The following IQCK variants were observed in gnomAD, a reference collection of about 807,000 sequenced individuals.
The protein encoded by IQCK is IQ motif containing K, also known as IQ domain-containing protein K.
A neutral mutation model predicts 28.1 loss-of-function variants in IQCK; 29 were observed. The observed-to-expected ratio is 1.03, with a 90% CI of 0.77 to 1.41. IQCK has a LOEUF of 1.41. Ranked by LOEUF, IQCK falls within the 40% of genes most tolerant of loss-of-function variation. IQCK has a pLI of 0.00. For missense variants in IQCK, 359 were observed against 314.7 expected (o/e 1.14, Z -1.07); for synonymous variants, 113 against 115.1 (o/e 0.98, Z 0.12).
rs577889085 is a variant in IQCK, at chr16:19,824,431, C to T, written c.691-2595C>T. On this transcript the variant is annotated intron_variant, in intron 7 of 7. Coordinates refer to ENST00000564186, the Ensembl canonical transcript of IQCK. ...TACAGATGAAGCTTCCCTGCTCACT[C>T]GCCACTCACCTTCTGTTGTACCGCC... Among the ~76,000 whole-genome samples the T allele has an allele frequency of 5.9e-5, 9 of 152,252 alleles. No individual in the cohort carries two copies. In the South Asian group the frequency reaches 1.9e-3, roughly 32 times the overall value.
At chr16:19,735,163 G>C (rs1484742415) in intron 3 of IQCK, among the ~76,000 whole-genome samples, 190 bp from the exon 4 acceptor site, 1 of 152,148 alleles carries the variant, frequency 6.6e-6, no homozygotes, top group East Asian at 1.9e-4. Context: ...CCAGACTATA[G>C]AGGCTCAGAG....
chr16:19,814,240 A>AC (rs1371003571), intron 7 of IQCK, among the ~76,000 whole-genome samples: 5,275 of 142,526 alleles, frequency 0.037, 584 homozygotes, highest in African/African-American at 0.14. Flanking sequence ...AAAAAAAAAA[A>AC]AAAAAACCAC....
At chr16:19,807,303 G>A (rs2055846435) in intron 7 of IQCK, among the ~76,000 whole-genome samples, 1 of 152,214 alleles carries the variant, frequency 6.6e-6, no homozygotes, top group Admixed American at 6.5e-5. Flanking sequence ...CCCCAGCTAA[G>A]CTGCTCCTAT....
intron 3 of IQCK, among the ~76,000 whole-genome samples, chr16:19,734,459 CAAAA>C (rs34178017): frequency 2.0e-5 from 1 of 50,252 alleles, no homozygotes; most frequent in Non-Finnish European, 4.8e-5. Context: ...GACTCCATCA[CAAAA>C]AAAAAAAAAA....
At chr16:19,850,171 C>T (rs1207365595) in intron 9 of IQCK, among the ~76,000 whole-genome samples, 1 of 152,112 alleles carries the variant, frequency 6.6e-6, no homozygotes, top group African/African-American at 2.4e-5. Flanking sequence ...AAGTGAACAC[C>T]TTTGTCTGCG....
At chr16:19,840,405 C>A (rs1428923476) in intron 9 of IQCK, among the ~76,000 whole-genome samples, 2 of 151,918 alleles carry the variant, frequency 1.3e-5, no homozygotes, top group Non-Finnish European at 2.9e-5. Flanking sequence ...AAAATATAAT[C>A]CCCAGATGCT....
chr16:19,719,318 A>G (rs553528382), intron 1 of IQCK, among the ~76,000 whole-genome samples: 1 of 152,186 alleles, frequency 6.6e-6, no homozygotes, highest in African/African-American at 2.4e-5. Flanking sequence ...TTTTTCCTCC[A>G]CTAGACCATA....
At chr16:19,855,056 A>C (rs2056539713) in intron 9 of IQCK, among the ~76,000 whole-genome samples, 1 of 152,178 alleles carries the variant, frequency 6.6e-6, no homozygotes, top group Non-Finnish European at 1.5e-5. Flanking sequence ...TACATGATAC[A>C]ATTTGATAGT....
chr16:19,749,539 C>T (rs978266577), intron 4 of IQCK, among the ~76,000 whole-genome samples: 25 of 152,130 alleles, frequency 1.6e-4, no homozygotes, highest in Admixed American at 1.2e-3. Flanking sequence ...GCAAGAGCAT[C>T]GCCTGAGCCC....
chr16:19,826,954 C>G (rs146795939), intron 7 of IQCK, 72 bp from the exon 8 acceptor site: 1 of 946,812 alleles, frequency 1.1e-6, no homozygotes, highest in African/African-American at 1.6e-5. Flanking sequence ...AAAGGATTTT[C>G]CATGCAGGGT....
At chr16:19,856,418 C>T (rs1256493857) in intron 9 of IQCK, 69 bp from the exon 9 acceptor site, 9 of 1,335,728 alleles carry the variant, frequency 6.7e-6, no homozygotes, top group South Asian at 4.9e-5. Flanking sequence ...TCAGAGTTTC[C>T]GGTTTCCCAA....
At position 19,718,325 on chromosome 16, in the gene IQCK, A is replaced by AT. The variant is rs762362374; in HGVS notation, c.20dup (p.Ser9GlnfsTer55). On this transcript the variant is annotated frameshift_variant, in exon 1 of 8. Coordinates refer to ENST00000564186, the Ensembl canonical transcript of IQCK. LOFTEE classifies it high-confidence loss of function. Reference sequence around the variant, plus strand: ...CGCGGCCATGGCGGCACCGCGGCAAATCCCCAGCCACATAGTGCGCCTCAA... The same window carrying AT: ...CGCGGCCATGGCGGCACCGCGGCAAATTCCCCAGCCACATAGTGCGCCTCAA... The AT allele has an allele frequency of 6.2e-7, 1 of 1,608,468 alleles. No homozygotes were observed. The highest frequency in any genetic ancestry group is 8.5e-7 in the Non-Finnish European group (1 of 1,178,160).
downstream of IQCK, among the ~76,000 whole-genome samples, chr16:19,831,002 G>T (rs953770680): frequency 6.6e-6 from 1 of 152,198 alleles, no homozygotes; most frequent in African/African-American, 2.4e-5. Flanking sequence ...TCATGAGCCT[G>T]GCACAGAGCA....
At chr16:19,805,520 G>A (rs1272370760) in intron 7 of IQCK, among the ~76,000 whole-genome samples, 1 of 152,178 alleles carries the variant, frequency 6.6e-6, no homozygotes, top group African/African-American at 2.4e-5. Flanking sequence ...TGCCCTCATG[G>A]AGCTTGCATT....
chr16:19,768,584 A>G (rs556701431), intron 6 of IQCK, among the ~76,000 whole-genome samples: 1 of 152,240 alleles, frequency 6.6e-6, no homozygotes, highest in Admixed American at 6.5e-5. Flanking sequence ...TGTCTCTACT[A>G]AAAATACAAA....
chr16:19,821,633 G>A (rs1051129487), intron 7 of IQCK, among the ~76,000 whole-genome samples: 2 of 152,180 alleles, frequency 1.3e-5, no homozygotes, highest in African/African-American at 4.8e-5. Flanking sequence ...AGTGGAGGTT[G>A]CAGTGAGGCG....
chr16:19,748,029 G>A (rs905326832), intron 4 of IQCK, among the ~76,000 whole-genome samples: 1 of 150,968 alleles, frequency 6.6e-6, no homozygotes, highest in South Asian at 2.1e-4. Flanking sequence ...GAGCTAATGT[G>A]TGAAGGGGCT....
At chr16:19,725,424 C>T (rs997399132) in intron 1 of IQCK, among the ~76,000 whole-genome samples, 10 of 152,078 alleles carry the variant, frequency 6.6e-5, no homozygotes, top group African/African-American at 1.9e-4. Context: ...CTTGAACTCC[C>T]GGGCTCCAAC....
At chr16:19,806,391 A>T (rs1005740038) in intron 7 of IQCK, among the ~76,000 whole-genome samples, 5 of 151,776 alleles carry the variant, frequency 3.3e-5, no homozygotes, top group Non-Finnish European at 7.4e-5. Flanking sequence ...TATATATTAG[A>T]AAATAAAAGT....
Sources: allele counts gnomAD v4.1 joint callset (sites outside exome capture counted in the v4.1 genomes callset), GRCh38; gene constraint gnomAD v4.1.1; transcripts MANE v1.5; gene names NCBI Gene and HGNC (gene_info 2026-07-23, HGNC 2026-07-21).